The following TMC2 variants were observed in gnomAD, a reference collection of about 807,000 sequenced individuals.
TMC2 encodes transmembrane channel like 2.
TMC2 carries 102 observed loss-of-function variants against 105.9 expected under a neutral mutation model. The observed-to-expected ratio is 0.96, with a 90% CI of 0.82 to 1.14. TMC2 has a LOEUF of 1.14. Among genes scored for constraint, TMC2 ranks in the 50% most tolerant of loss-of-function variants. The pLI, the probability that TMC2 is intolerant of heterozygous loss-of-function variation, is 0.00. For missense variants in TMC2, 1,093 were observed against 1,134.3 expected, an observed-to-expected ratio of 0.96 and a Z score of 0.52; for synonymous variants, 402 against 422.8, an observed-to-expected ratio of 0.95 and a Z score of 0.60.
chr20:2,640,758 G>A (rs1198109319), intron 19 of TMC2, among the ~76,000 whole-genome samples: 2 of 152,172 alleles, frequency 1.3e-5, no homozygotes, highest in Non-Finnish European at 2.9e-5. Context: ...TGAAGGATTG[G>A]AAAGTAGATC....
chr20:2,572,300 G>C, intron 5 of TMC2, 31 bp downstream of exon 5: 1 of 1,555,764 alleles, frequency 6.4e-7, no homozygotes, highest in African/African-American at 1.4e-5. Context: ...GAATCTGTTG[G>C]GAGGGCTTGC....
Position 2,606,891 on chromosome 20 carries a change from CTTTTTT to C in TMC2, c.1414-3514_1414-3509del, listed in dbSNP as rs11476357. Among the ~76,000 whole-genome samples, 30 of 83,980 alleles carry C rather than the reference CTTTTTT, an allele frequency of 3.6e-4. 1 individual carries two copies. Among genetic ancestry groups the C allele is most frequent in the African/African-American group, 1.5e-3 (25 of 17,014 alleles). The allele number at this position is 83,980 out of a possible 152,430, so 55.1% of individuals were successfully genotyped here. The stretch of plus-strand genomic sequence containing the variant: ...ATAGTTTTCCCTTAATTTCTTTTTT[CTTTTTT>C]TTTTTTTTTTTTTGCAGTATTCTGT... On this transcript the variant is annotated intron_variant, in intron 11 of 19. Transcript: ENST00000358864.
At chr20:2,598,942 G>A (rs6050516) in intron 10 of TMC2, among the ~76,000 whole-genome samples, 8,482 of 152,088 alleles carry the variant, frequency 0.056, 581 homozygotes, top group African/African-American at 0.16. Context: ...CCAAAAAAAA[G>A]GTACAACAAA....
chr20:2,579,046 C>T (rs571455054), intron 5 of TMC2, 100 bp from the exon 6 acceptor site: 3 of 698,732 alleles, frequency 4.3e-6, no homozygotes, highest in Non-Finnish European at 2.6e-6. Context: ...CCCATGCTGA[C>T]TCATGCTGAC....
At chr20:2,582,252 G>A (rs943170245) in intron 7 of TMC2, among the ~76,000 whole-genome samples, 55 of 152,108 alleles carry the variant, frequency 3.6e-4, no homozygotes, top group African/African-American at 1.3e-3. Context: ...TGGGAAATTG[G>A]CCATATGGGA....
intron 17 of TMC2, among the ~76,000 whole-genome samples, chr20:2,625,411 C>A (rs2086557117): frequency 6.6e-6 from 1 of 152,172 alleles, no homozygotes; most frequent in South Asian, 2.1e-4. Flanking sequence ...CCAAAGGTAA[C>A]TATTATACAG....
chr20:2,540,215 C>G (rs2085880306), intron 2 of TMC2, among the ~76,000 whole-genome samples: 2 of 151,666 alleles, frequency 1.3e-5, no homozygotes, highest in African/African-American at 2.4e-5. Flanking sequence ...TGGTCTCAAA[C>G]TCATACCTCG....
intron 14 of TMC2, 42 bp downstream of exon 14, chr20:2,613,364 A>G: frequency 6.2e-7 from 1 of 1,613,494 alleles, no homozygotes; most frequent in South Asian, 1.1e-5. Context: ...AAGGAATTTC[A>G]ACTATCTTCT....
At chr20:2,560,438 T>C (rs6083663) in intron 3 of TMC2, among the ~76,000 whole-genome samples, 56,565 of 151,892 alleles carry the variant, frequency 0.37, 11,942 homozygotes, top group South Asian at 0.54. Context: ...CTACCATTTA[T>C]GAAACACACT....
At chr20:2,580,834 T>C (rs1217214788) in intron 7 of TMC2, among the ~76,000 whole-genome samples, 1 of 152,206 alleles carries the variant, frequency 6.6e-6, no homozygotes, top group Non-Finnish European at 1.5e-5. Context: ...GAGCAATTTG[T>C]GCAAAGTCAC....
At chr20:2,550,528 T>C (rs2085950632) in intron 2 of TMC2, among the ~76,000 whole-genome samples, 1 of 152,212 alleles carries the variant, frequency 6.6e-6, no homozygotes, top group Admixed American at 6.5e-5. Flanking sequence ...GAGTTCACTC[T>C]TTATAGATTC....
chr20:2,537,377 C>T, intron 2 of TMC2, 61 bp downstream of exon 2: 1 of 1,353,776 alleles, frequency 7.4e-7, no homozygotes. Context: ...TCTGCTTAGC[C>T]CAACAGTCCA....
At chr20:2,539,487 A>C (rs1336409133) in intron 2 of TMC2, among the ~76,000 whole-genome samples, 2 of 152,214 alleles carry the variant, frequency 1.3e-5, no homozygotes, top group Non-Finnish European at 2.9e-5. Context: ...TAGCTGACTG[A>C]GGACACAGAG....
At chr20:2,612,511 C>T (rs754652350) in intron 13 of TMC2, among the ~76,000 whole-genome samples, 171 bp downstream of exon 13, 2 of 152,128 alleles carry the variant, frequency 1.3e-5, no homozygotes, top group Non-Finnish European at 2.9e-5. Context: ...TCCTGTGACC[C>T]CTGGGAACTC....
intron 19 of TMC2, among the ~76,000 whole-genome samples, chr20:2,638,930 C>CT: frequency 6.6e-6 from 1 of 152,100 alleles, no homozygotes. Flanking sequence ...GAGTCTCACT[C>CT]TGTCACCCAG....
At chr20:2,565,818 T>A (rs2086060295) in intron 4 of TMC2, among the ~76,000 whole-genome samples, 1 of 152,056 alleles carries the variant, frequency 6.6e-6, no homozygotes. Context: ...GGCGGGCAGA[T>A]CACTTGAGGT....
intron 19 of TMC2, among the ~76,000 whole-genome samples, chr20:2,638,631 G>A (rs1167832469): frequency 6.6e-6 from 1 of 152,100 alleles, no homozygotes; most frequent in Non-Finnish European, 1.5e-5. Context: ...ACAAGATGTG[G>A]AGGTGGAAGA....
intron 4 of TMC2, among the ~76,000 whole-genome samples, chr20:2,567,800 G>T (rs1183910320): frequency 1.3e-5 from 2 of 152,084 alleles, no homozygotes; most frequent in Non-Finnish European, 2.9e-5. Context: ...AAGCTATAAA[G>T]AGGAACAACT....
chr20:2,599,416 C>T (rs2086333618), intron 10 of TMC2, among the ~76,000 whole-genome samples: 2 of 151,440 alleles, frequency 1.3e-5, no homozygotes, highest in Non-Finnish European at 2.9e-5. Flanking sequence ...ATAAAATAAC[C>T]ATCCAGCTGG....
Sources: gnomAD v4.1 joint callset for allele counts (sites outside exome capture counted in the v4.1 genomes callset) on GRCh38, gnomAD v4.1.1 for gene constraint, MANE v1.5 for transcripts, NCBI Gene and HGNC (gene_info 2026-07-23, HGNC 2026-07-21) for gene names.